GRK5: variants seen among roughly 807,000 people sequenced by gnomAD.
The protein encoded by GRK5 is g protein-coupled receptor kinase GRK5.
A neutral mutation model predicts 78.4 loss-of-function variants in GRK5; 40 were observed. That is an observed-to-expected ratio of 0.51 (90% CI 0.40 to 0.66). GRK5 has a LOEUF of 0.66. GRK5 is among the 30% of genes least tolerant of loss of function. GRK5 has a pLI of 0.00. For missense variants in GRK5, 598 were observed against 759.9 expected, an observed-to-expected ratio of 0.79 and a Z score of 2.50; for synonymous variants, 289 against 296.8, an observed-to-expected ratio of 0.97 and a Z score of 0.27.
chr10:119,302,053 G>A (rs1254060233), intron 1 of GRK5, among the ~76,000 whole-genome samples: 1 of 152,228 alleles, frequency 6.6e-6, no homozygotes, highest in Non-Finnish European at 1.5e-5. Context: ...TAAAGCATTC[G>A]TTGGCTTCCT....
chr10:119,381,655 G>T (rs1851711568), intron 3 of GRK5, among the ~76,000 whole-genome samples: 1 of 152,232 alleles, frequency 6.6e-6, no homozygotes, highest in East Asian at 1.9e-4. Context: ...CCTCGGTTCA[G>T]CCAACTGCCC....
intron 8 of GRK5, among the ~76,000 whole-genome samples, chr10:119,434,597 G>T (rs377593758): frequency 6.6e-6 from 1 of 152,232 alleles, no homozygotes; most frequent in Non-Finnish European, 1.5e-5. Flanking sequence ...ATGCCAAGAC[G>T]TGGGTTCCCA....
intron 3 of GRK5, among the ~76,000 whole-genome samples, chr10:119,388,672 A>T (rs2133839952): frequency 6.6e-6 from 1 of 152,336 alleles, no homozygotes; most frequent in South Asian, 2.1e-4. Flanking sequence ...GTGGCTTGAA[A>T]CAACAGTCAA....
chr10:119,218,066 C>T (rs1848602997), intron 1 of GRK5, among the ~76,000 whole-genome samples: 1 of 145,560 alleles, frequency 6.9e-6, no homozygotes. Context: ...GAAACCATGT[C>T]AACCCGTTTG....
intron 1 of GRK5, among the ~76,000 whole-genome samples, chr10:119,286,717 C>T (rs1434144218): frequency 2.0e-5 from 3 of 152,238 alleles, no homozygotes; most frequent in Non-Finnish European, 4.4e-5. Flanking sequence ...GCAGGCACCC[C>T]TTGGAAGCGG....
At chr10:119,367,117 C>T (rs534171472) in intron 2 of GRK5, among the ~76,000 whole-genome samples, 2 of 152,176 alleles carry the variant, frequency 1.3e-5, no homozygotes, top group Non-Finnish European at 2.9e-5. Flanking sequence ...TATTATAATA[C>T]ATCAGGTGGC....
At chr10:119,422,174 G>A (rs1852582771) in intron 4 of GRK5, among the ~76,000 whole-genome samples, 1 of 152,046 alleles carries the variant, frequency 6.6e-6, no homozygotes, top group Middle Eastern at 3.2e-3. Flanking sequence ...GGGAACAGCT[G>A]GCAGAGGGTG....
chr10:119,363,992 A>G (rs535666706), intron 2 of GRK5, among the ~76,000 whole-genome samples: 1 of 152,156 alleles, frequency 6.6e-6, no homozygotes, highest in East Asian at 1.9e-4. Flanking sequence ...CCTCTTCACT[A>G]CCTCCTCCTG....
At chr10:119,385,113 G>A (rs1851772321) in intron 3 of GRK5, among the ~76,000 whole-genome samples, 2 of 152,030 alleles carry the variant, frequency 1.3e-5, no homozygotes, top group African/African-American at 4.8e-5. Context: ...CGCAGTTGGA[G>A]GGGAGGGAGG....
rs762165768 is a variant in GRK5, at chr10:119,415,081, C to CAAAA, written c.340-8066_340-8063dup. Among the ~76,000 whole-genome samples, 14 of 75,692 alleles carry CAAAA rather than the reference C, an allele frequency of 1.8e-4. No individual in the cohort carries two copies. In the East Asian group the frequency reaches 2.6e-3, roughly 14 times the overall value. 49.7% of individuals were successfully genotyped at this position (75,692 alleles called of 152,430 possible). ...TGGGTGACAGAGTGAGACTCTGTCT[C>CAAAA]AAAAAAAAAAAAAAAAAAAAAAGAA... On this transcript the variant is annotated intron_variant, in intron 4 of 15. Coordinates refer to ENST00000392870, the MANE Select transcript of GRK5 (RefSeq NM_005308.3).
At chr10:119,293,292 G>T (rs1850015919) in intron 1 of GRK5, among the ~76,000 whole-genome samples, 1 of 152,158 alleles carries the variant, frequency 6.6e-6, no homozygotes, top group South Asian at 2.1e-4. Flanking sequence ...GGCTGAGGTG[G>T]GTGGATCACT....
chr10:119,342,220 G>A (rs1259630428), intron 2 of GRK5, among the ~76,000 whole-genome samples: 1 of 152,248 alleles, frequency 6.6e-6, no homozygotes, highest in Non-Finnish European at 1.5e-5. Context: ...GCCTTGGAGT[G>A]CTGAACAGCT....
chr10:119,218,793 T>A (rs1044870963), intron 1 of GRK5, among the ~76,000 whole-genome samples: 20 of 152,198 alleles, frequency 1.3e-4, no homozygotes, highest in African/African-American at 4.6e-4. Flanking sequence ...CTAATGAATA[T>A]GTTCCTGGAA....
In GRK5 at chr10:119,412,399, C is replaced by T. The variant is rs532868496; in HGVS notation, c.340-10767C>T. On this transcript the variant is annotated intron_variant, in intron 4 of 15. Transcript: ENST00000392870. This position sits in a 1 kb window ranked among gnomAD's most constrained non-coding sequence, Gnocchi z 4.3. ...GGTGAAGAGCTGGGCGTGCTTGGGCCGAGGGCTGCTGGATGTTGGCATCAG... is the reference window on the plus strand; with the variant it reads ...GGTGAAGAGCTGGGCGTGCTTGGGCTGAGGGCTGCTGGATGTTGGCATCAG... Among the ~76,000 whole-genome samples, 30 of 152,220 alleles carry T rather than the reference C, an allele frequency of 2.0e-4. No homozygotes were observed. The highest frequency in any genetic ancestry group is 6.7e-4 in the African/African-American group (28 of 41,540).
At chr10:119,310,617 G>C (rs537363782) in intron 1 of GRK5, among the ~76,000 whole-genome samples, 14 of 152,240 alleles carry the variant, frequency 9.2e-5, no homozygotes, top group African/African-American at 2.9e-4. Context: ...AAGATCAATA[G>C]TGTTGCAAGA....
intron 6 of GRK5, among the ~76,000 whole-genome samples, chr10:119,426,691 CCAT>C (rs1186192917): frequency 1.3e-5 from 2 of 152,118 alleles, no homozygotes; most frequent in African/African-American, 4.8e-5. Flanking sequence ...ACCATCACCA[CCAT>C]CATCAGCATC....
intron 1 of GRK5, among the ~76,000 whole-genome samples, chr10:119,313,546 G>A (rs1475597603): frequency 6.6e-6 from 1 of 152,154 alleles, no homozygotes; most frequent in Non-Finnish European, 1.5e-5. Flanking sequence ...GGCTTAGATA[G>A]CAGTGCAGTG....
At chr10:119,297,761 A>G (rs1292924316) in intron 1 of GRK5, among the ~76,000 whole-genome samples, 7 of 152,330 alleles carry the variant, frequency 4.6e-5, no homozygotes, top group Non-Finnish European at 5.9e-5. Context: ...TGCTGAAGTC[A>G]TGCTCTTGGA....
chr10:119,453,336 A>T (rs1853334018), intron 15 of GRK5, 60 bp downstream of exon 15: 1 of 1,599,852 alleles, frequency 6.3e-7, no homozygotes. Context: ...GCTCACTTCC[A>T]TGGGAAACGA....
Sources: gnomAD v4.1 joint callset for allele counts (sites outside exome capture counted in the v4.1 genomes callset) on GRCh38, gnomAD v4.1.1 for gene constraint, Gnocchi (gnomAD v3.1) non-coding constraint, MANE v1.5 for transcripts, NCBI Gene and HGNC (gene_info 2026-07-23, HGNC 2026-07-21) for gene names.